LRP2: variants seen among roughly 807,000 people sequenced by gnomAD.
The protein encoded by LRP2 is LDL receptor related protein 2, also known as low-density lipoprotein receptor-related protein 2.
In LRP2, 172 loss-of-function variants were observed where a neutral mutation model predicts 531.0. That is an observed-to-expected ratio of 0.32 (90% CI 0.29 to 0.37). The LOEUF is 0.37. Ranked by LOEUF, LRP2 falls within the 10% of genes least tolerant of loss-of-function variation. The pLI is 1.00. For missense variants in LRP2, 5,167 were observed against 5,868.3 expected (o/e 0.88, Z 3.90); for synonymous variants, 1,992 against 2,027.6 (o/e 0.98, Z 0.47).
In LRP2 at chr2:169,169,692, A is replaced by G. The variant is rs758676295; in HGVS notation, c.11497+10T>C. On this transcript the variant is annotated intron_variant, in intron 60 of 78. Coordinates refer to ENST00000649046, the MANE Select transcript of LRP2 (RefSeq NM_004525.3). Reference sequence around the variant, plus strand: ...GGTAAGCAGTACTACATATGTGTCTAGGGACTTACGACAATCAGCTTCATC... The same window carrying G: ...GGTAAGCAGTACTACATATGTGTCTGGGGACTTACGACAATCAGCTTCATC... The G allele has an allele frequency of 3.1e-6, 5 of 1,607,476 alleles. No homozygotes were observed. In the South Asian group the frequency reaches 4.4e-5, roughly 14 times the overall value.
chr2:169,270,198 A>C (rs913519820), intron 16 of LRP2, among the ~76,000 whole-genome samples: 24 of 152,160 alleles, frequency 1.6e-4, no homozygotes, highest in African/African-American at 5.6e-4. Context: ...GACAGTGTGG[A>C]GATTCCTCAG....
In LRP2 at chr2:169,172,138, C is replaced by T; in HGVS notation, c.11144-4G>A. The stretch of plus-strand genomic sequence containing the variant: ...ACAGGATGGCATGTCCTCTCCTCTG[C>T]AAAGCAGTCATTGCAAAGACTTCAT... On this transcript the variant is annotated splice_polypyrimidine_tract_variant and splice_region_variant and intron_variant, in intron 57 of 78. Transcript: ENST00000649046. 6.2e-7 allele frequency: 1 copy of T among 1,614,110 alleles called. No homozygotes were observed. The highest frequency in any genetic ancestry group is 1.3e-5 in the African/African-American group (1 of 75,048).
At chr2:169,300,712 A>G (rs1008003677) in intron 4 of LRP2, among the ~76,000 whole-genome samples, 2 of 152,034 alleles carry the variant, frequency 1.3e-5, no homozygotes. Flanking sequence ...CTCAATTGTG[A>G]GAATGCTAAA....
intron 4 of LRP2, among the ~76,000 whole-genome samples, chr2:169,301,491 G>A (rs1684284531): frequency 6.6e-6 from 1 of 151,726 alleles, no homozygotes; most frequent in Admixed American, 6.6e-5. Flanking sequence ...AACTAAGGGG[G>A]AAAATGAGCT....
chr2:169,352,840 G>A (rs1000987439), intron 1 of LRP2, among the ~76,000 whole-genome samples: 4 of 151,572 alleles, frequency 2.6e-5, no homozygotes, highest in African/African-American at 9.7e-5. Context: ...ATCACACACA[G>A]AGAGGGGAAC....
chr2:169,167,878 T>C (rs1686840089), intron 61 of LRP2, among the ~76,000 whole-genome samples: 1 of 151,312 alleles, frequency 6.6e-6, no homozygotes, highest in South Asian at 2.1e-4. Context: ...AAAATACGTA[T>C]GTGCAGGCTT....
intron 43 of LRP2, 43 bp downstream of exon 43, chr2:169,202,713 G>C: frequency 6.3e-7 from 1 of 1,588,780 alleles, no homozygotes. Flanking sequence ...TTGACATCAA[G>C]ATGCCATTAG....
At chr2:169,294,742 GA>G in intron 4 of LRP2, 32 bp from the exon 5 acceptor site, 2 of 1,038,370 alleles carry the variant, frequency 1.9e-6, no homozygotes, top group Non-Finnish European at 1.4e-6. Context: ...AAAAAAAAAG[GA>G]AAAGGAAACA....
At position 169,211,950 on chromosome 2, in the gene LRP2, A is replaced by G. The variant is rs1427153955; in HGVS notation, c.6280+18T>C. 1 of 1,613,766 alleles carries G rather than the reference A, an allele frequency of 6.2e-7. No individual in the cohort carries two copies. Among genetic ancestry groups the G allele is most frequent in the South Asian group, 1.1e-5 (1 of 91,030 alleles). On this transcript the variant is annotated intron_variant, in intron 37 of 78. Coordinates refer to ENST00000649046, the MANE Select transcript of LRP2 (RefSeq NM_004525.3). The stretch of plus-strand genomic sequence containing the variant: ...TGCCAGATGAAGTCAAATCTTACTT[A>G]TATTGGAGTTGGCATACCTTGGCCT...
intron 50 of LRP2, among the ~76,000 whole-genome samples, chr2:169,184,299 T>C: frequency 6.6e-6 from 1 of 152,350 alleles, no homozygotes; most frequent in South Asian, 2.1e-4. Flanking sequence ...ACAATAGGAA[T>C]GCTTAGTCAA....
chr2:169,130,599 G>A (rs1685250075), intron 77 of LRP2, among the ~76,000 whole-genome samples: 1 of 152,118 alleles, frequency 6.6e-6, no homozygotes, highest in Non-Finnish European at 1.5e-5. Flanking sequence ...GTTTTTAATT[G>A]TTAGTCTTTC....
In LRP2 at chr2:169,175,206, G is replaced by A; in HGVS notation, c.10755C>T (p.Asp3585=). Residue 3585 remains aspartate, a synonymous_variant, in exon 55 of 79, where the codon GAC becomes GAT. Transcript: ENST00000649046. ...HQNCPDGSDE[D]RLLCENHHCD... is the part of the protein sequence containing the mutation. Reference sequence around the variant, plus strand: ...GACTCAACACACCACAAAGAAGACGGTCTTCATCAGACCCATCAGGGCAAT... The same window carrying A: ...GACTCAACACACCACAAAGAAGACGATCTTCATCAGACCCATCAGGGCAAT... 1 of 1,614,154 alleles carries A rather than the reference G, an allele frequency of 6.2e-7. No individual in the cohort carries two copies. Among genetic ancestry groups the A allele is most frequent in the South Asian group, 1.1e-5 (1 of 91,084 alleles).
At chr2:169,303,693 T>TA (rs1183064994) in intron 4 of LRP2, among the ~76,000 whole-genome samples, 2 of 152,132 alleles carry the variant, frequency 1.3e-5, no homozygotes, top group Non-Finnish European at 2.9e-5. Flanking sequence ...TTTTTTTTTT[T>TA]ACACTGCTCC....
At chr2:169,156,615 G>T (rs1313738908) in intron 64 of LRP2, among the ~76,000 whole-genome samples, 1 of 152,134 alleles carries the variant, frequency 6.6e-6, no homozygotes, top group African/African-American at 2.4e-5. Flanking sequence ...CTTGCCAAAA[G>T]ACTTTAAGAG....
Position 169,209,601 on chromosome 2 carries a change from G to A in LRP2, c.6321C>T (p.Gly2107=). 2 of 1,614,016 alleles carry A rather than the reference G, an allele frequency of 1.2e-6. No homozygotes were observed. Among genetic ancestry groups the A allele is most frequent in the South Asian group, 1.1e-5 (1 of 91,074 alleles). Residue 2107 remains glycine (G), a synonymous_variant, in exon 38 of 79, where the codon GGC becomes GGT. Coordinates refer to ENST00000649046, the MANE Select transcript of LRP2 (RefSeq NM_004525.3). ...TGCTAAAATCACACCAATAAATAAA[G>A]CCAGAGGACACATCCACATCCACAT... ...ALHVDVDVSS[G]FIYWCDFSSS... is the part of the protein sequence containing the mutation.
At chr2:169,254,637 G>T (rs2105402614) in intron 19 of LRP2, among the ~76,000 whole-genome samples, 1 of 24,146 alleles carries the variant, frequency 4.1e-5, no homozygotes, top group Non-Finnish European at 8.1e-5. Context: ...AAAACTTAGA[G>T]TATAATAAAA....
chr2:169,165,922 T>C lies in LRP2; in HGVS notation c.11758+10A>G. The stretch of plus-strand genomic sequence containing the variant: ...TTCCTTTTTCCTTCTCCCTTTTGAC[T>C]TTTGCTTACAGTGCTCCTCTGTCTC... On this transcript the variant is annotated intron_variant, in intron 62 of 78. Transcript: ENST00000649046. 1 of 1,613,920 alleles carries C rather than the reference T, an allele frequency of 6.2e-7. No homozygotes were observed. The highest frequency in any genetic ancestry group is 1.1e-5 in the South Asian group (1 of 91,078).
At chr2:169,284,575 G>T (rs746899921) in intron 9 of LRP2, among the ~76,000 whole-genome samples, 1 of 151,908 alleles carries the variant, frequency 6.6e-6, no homozygotes, top group Admixed American at 6.6e-5. Flanking sequence ...CCCCAAGAAG[G>T]CTCTTCTAAT....
intron 50 of LRP2, among the ~76,000 whole-genome samples, chr2:169,183,535 A>G (rs1687516441): frequency 6.6e-6 from 1 of 152,226 alleles, no homozygotes; most frequent in Non-Finnish European, 1.5e-5. Context: ...TTCTTGTCGT[A>G]TTAGTATTCC....
Sources: allele counts gnomAD v4.1 joint callset (sites outside exome capture counted in the v4.1 genomes callset), GRCh38; gene constraint gnomAD v4.1.1; transcripts MANE v1.5; gene names NCBI Gene and HGNC (gene_info 2026-07-23, HGNC 2026-07-21).